Variants in MAGI2 observed in about 807,000 individuals in gnomAD.
The protein encoded by MAGI2 is membrane associated guanylate kinase, WW and PDZ domain containing 2, also known as membrane-associated guanylate kinase, WW and PDZ domain-containing protein 2.
MAGI2 carries 35 observed loss-of-function variants against 133.3 expected under a neutral mutation model. The observed-to-expected ratio is 0.26, with a 90% CI of 0.20 to 0.35. The LOEUF (loss-of-function observed/expected upper bound fraction) is 0.35, where lower values mean the gene tolerates loss of function less well. Ranked by LOEUF, MAGI2 falls within the 10% of genes least tolerant of loss-of-function variation. The pLI is 1.00. For synonymous variants in MAGI2, 729 were observed against 710.6 expected, an observed-to-expected ratio of 1.03 and a Z score of -0.41; for missense variants, 1,636 against 1,863.4, an observed-to-expected ratio of 0.88 and a Z score of 2.25.
intron 4 of MAGI2, chr7:78,518,064 A>G (rs889433861): frequency 6.6e-6 from 1 of 152,158 alleles, no homozygotes; most frequent in East Asian, 1.9e-4. Context: ...TTATTTACTT[A>G]GAGCAAAGTT....
At chr7:79,049,365 T>C (rs1471781013) in intron 1 of MAGI2, among the ~76,000 whole-genome samples, 4 of 152,142 alleles carry the variant, frequency 2.6e-5, no homozygotes, top group African/African-American at 9.7e-5. Context: ...ACAAATGTGA[T>C]AATATAAGTA....
At chr7:78,880,948 A>G (rs1584261444) in intron 2 of MAGI2, among the ~76,000 whole-genome samples, 1 of 152,190 alleles carries the variant, frequency 6.6e-6, no homozygotes, top group East Asian at 1.9e-4. Context: ...ATGACTTTAA[A>G]CCAATGACAG....
At chr7:78,648,510 C>G (rs1181334584) in intron 2 of MAGI2, among the ~76,000 whole-genome samples, 1 of 152,104 alleles carries the variant, frequency 6.6e-6, no homozygotes, top group Non-Finnish European at 1.5e-5. Flanking sequence ...TTTTTCTTCA[C>G]TTGTCTTTTA....
chr7:78,633,487 C>G (rs1192879316), intron 2 of MAGI2, among the ~76,000 whole-genome samples: 1 of 151,810 alleles, frequency 6.6e-6, no homozygotes, highest in Non-Finnish European at 1.5e-5. Flanking sequence ...GGGTGGATCA[C>G]GAGGTCAGGA....
chr7:78,304,838 C>T (rs1392403104), intron 9 of MAGI2, among the ~76,000 whole-genome samples: 4 of 152,176 alleles, frequency 2.6e-5, no homozygotes, highest in Non-Finnish European at 4.4e-5. Context: ...AAGTGAGCCT[C>T]GTGAATATCT....
intron 9 of MAGI2, among the ~76,000 whole-genome samples, chr7:78,272,390 G>A (rs774834139): frequency 2.6e-5 from 4 of 152,184 alleles, no homozygotes; most frequent in African/African-American, 7.2e-5. Context: ...TAAATGCGAC[G>A]TGGTGCTGAG....
rs955679595 is a variant in MAGI2, at chr7:78,816,965, T to C, written c.419-189726A>G. Reference sequence around the variant, plus strand: ...TAGATAGGGATTCCTCTGATGGACCTGGGCAAAGTAAAATTGAAAATATTC... The same window carrying C: ...TAGATAGGGATTCCTCTGATGGACCCGGGCAAAGTAAAATTGAAAATATTC... On this transcript the variant is annotated intron_variant, in intron 2 of 21. Coordinates refer to ENST00000354212, the MANE Select transcript of MAGI2 (RefSeq NM_012301.4). Among the ~76,000 whole-genome samples the C allele has an allele frequency of 3.9e-5, 6 of 152,330 alleles. 1 individual carries two copies. Among genetic ancestry groups the C allele is most frequent in the African/African-American group, 1.4e-4 (6 of 41,586 alleles).
intron 20 of MAGI2, among the ~76,000 whole-genome samples, chr7:78,079,827 G>A (rs538450779): frequency 9.1e-4 from 139 of 152,258 alleles, no homozygotes; most frequent in African/African-American, 2.9e-3. Context: ...CCCTTTTGGC[G>A]TTTGTGAATA....
chr7:78,545,223 T>C (rs1406934397), intron 3 of MAGI2, among the ~76,000 whole-genome samples: 1 of 147,094 alleles, frequency 6.8e-6, no homozygotes, highest in Non-Finnish European at 1.5e-5. Context: ...TTTTTTTTTT[T>C]TTTTTTTTTT....
chr7:78,357,963 C>G (rs1792266528), intron 7 of MAGI2, among the ~76,000 whole-genome samples: 1 of 150,286 alleles, frequency 6.7e-6, no homozygotes, highest in South Asian at 2.1e-4. Flanking sequence ...CTGATAAACA[C>G]TAGTAATAAA....
At position 78,019,278 on chromosome 7, in the gene MAGI2, T is replaced by C. The variant is rs1584844768; in HGVS notation, c.*37A>G. 6.4e-7 allele frequency: 1 copy of C among 1,574,644 alleles called. No individual in the cohort carries two copies. Among genetic ancestry groups the C allele is most frequent in the Non-Finnish European group, 8.6e-7 (1 of 1,169,500 alleles). ...GAGACGGAACCTAAGAAGAACTGCC[T>C]GCGCCGGGGCGGGCGGGTTGGCCGT... On this transcript the variant is annotated 3_prime_UTR_variant, in exon 22 of 22. Coordinates refer to ENST00000354212, the MANE Select transcript of MAGI2 (RefSeq NM_012301.4).
At chr7:78,377,615 A>G (rs187631194) in intron 6 of MAGI2, among the ~76,000 whole-genome samples, 1 of 147,498 alleles carries the variant, frequency 6.8e-6, no homozygotes, top group East Asian at 2.0e-4. Flanking sequence ...AGATAAGTTC[A>G]TAAGACACAC....
Position 78,061,855 on chromosome 7 carries a change from C to T in MAGI2, c.3706+17092G>A, listed in dbSNP as rs141267416. Among the ~76,000 whole-genome samples the T allele has an allele frequency of 7.2e-4, 110 of 152,268 alleles. No homozygotes were observed. In the East Asian group the frequency reaches 0.016, roughly 22 times the overall value. ...CAGTGTTAGTTGTTACAGGGGCTGA[C>T]GGGTTGAATCCGTCATTAGATTTTG... On this transcript the variant is annotated intron_variant, in intron 21 of 21. Coordinates refer to ENST00000354212, the MANE Select transcript of MAGI2 (RefSeq NM_012301.4).
chr7:78,431,163 G>A (rs554570117), intron 6 of MAGI2, among the ~76,000 whole-genome samples: 33 of 151,720 alleles, frequency 2.2e-4, no homozygotes, highest in Admixed American at 1.8e-3. Context: ...ATTCCCTGCT[G>A]ATTCAGTGAA....
At chr7:78,781,222 A>G in intron 2 of MAGI2, among the ~76,000 whole-genome samples, 1 of 151,792 alleles carries the variant, frequency 6.6e-6, no homozygotes, top group East Asian at 1.9e-4. Context: ...ACTAAAAAAT[A>G]CAAAAAATTA....
intron 2 of MAGI2, among the ~76,000 whole-genome samples, chr7:78,975,828 G>T (rs1804194529): frequency 6.6e-6 from 1 of 151,424 alleles, no homozygotes; most frequent in African/African-American, 2.4e-5. Context: ...AGAAATGAAA[G>T]AAGTTTCTTT....
intron 2 of MAGI2, among the ~76,000 whole-genome samples, chr7:78,936,904 G>C (rs540147508): frequency 6.6e-6 from 1 of 152,078 alleles, no homozygotes; most frequent in South Asian, 2.1e-4. Context: ...ATATATGCCT[G>C]CTTGAGTATA....
chr7:78,051,884 C>CTTT (rs59919639), intron 21 of MAGI2, among the ~76,000 whole-genome samples: 20 of 125,808 alleles, frequency 1.6e-4, no homozygotes, highest in African/African-American at 6.1e-4. Context: ...CATACCCAGC[C>CTTT]TTTTTTTTTT....
chr7:78,525,635 CACA>C (rs1219464084), intron 3 of MAGI2, among the ~76,000 whole-genome samples: 1 of 152,126 alleles, frequency 6.6e-6, no homozygotes, highest in Non-Finnish European at 1.5e-5. Context: ...TCCACAAACC[CACA>C]ACAATATGGT....
Sources: gnomAD v4.1 joint callset for allele counts (sites outside exome capture counted in the v4.1 genomes callset) on GRCh38, gnomAD v4.1.1 for gene constraint, MANE v1.5 for transcripts, NCBI Gene and HGNC (gene_info 2026-07-23, HGNC 2026-07-21) for gene names.